Variants in SIAE observed in about 807,000 individuals in gnomAD.
SIAE encodes sialic acid acetylesterase, also known as sialate O-acetylesterase.
Under a neutral mutation model 52.6 loss-of-function variants are expected in SIAE, and 39 were observed. The ratio of observed to expected loss-of-function variants is 0.74; its 90% CI spans 0.57 to 0.97. The LOEUF (loss-of-function observed/expected upper bound fraction) is 0.97, where lower values mean the gene tolerates loss of function less well. SIAE is among the 50% of genes least tolerant of loss of function. The pLI, the probability that SIAE is intolerant of heterozygous loss-of-function variation, is 0.00. For synonymous variants in SIAE, 233 were observed against 241.4 expected (o/e 0.97, Z 0.32); for missense variants, 592 against 662.1 (o/e 0.89, Z 1.16).
rs1184582090 is a variant in SIAE, at chr11:124,634,768, G to C, written c.*2183C>G. ...TAAGAAAATTATTTTGGTAAAGTAA[G>C]TAAGTCAAAAACACAGATTACAAAA... On this transcript the variant is annotated 3_prime_UTR_variant, in exon 10 of 10. Transcript: ENST00000263593. The C allele has an allele frequency of 1.3e-5, 2 of 152,064 alleles. No individual in the cohort carries two copies. The allele number at this position is 152,064 out of a possible 1,614,324, so 9.4% of individuals were successfully genotyped here. A position where few individuals can be genotyped will look rare whatever the true frequency, so the allele number is the denominator to read the frequency against.
chr11:124,669,442 G>GC lies in SIAE; in HGVS notation c.146dup (p.Phe50LeufsTer31), dbSNP rs774890000. ...TCACTGTGGCTCCAGGTGTACCGAA[G>GC]CCCCATATCACTGCCCCAGCAGGCT... On this transcript the variant is annotated frameshift_variant, in exon 2 of 10. Coordinates refer to ENST00000263593, the MANE Select transcript of SIAE (RefSeq NM_170601.5). LOFTEE classifies it high-confidence loss of function. The GC allele has an allele frequency of 3.7e-6, 6 of 1,614,090 alleles. 1 individual carries two copies. The Admixed American group carries it at 1.0e-4, about 27-fold the overall frequency.
rs767336791 is a variant in SIAE, at chr11:124,637,087, C to T, written c.1436G>A (p.Arg479His). 31 of 1,613,986 alleles carry T rather than the reference C, an allele frequency of 1.9e-5. 1 individual carries two copies. In the East Asian group the frequency reaches 4.0e-4, roughly 21 times the overall value. Residue 479 changes from arginine (R) to histidine (H), a missense_variant, in exon 10 of 10, where the codon CGC becomes CAC. Coordinates refer to ENST00000263593, the MANE Select transcript of SIAE (RefSeq NM_170601.5). The part of the protein sequence containing the change: ...DSCHGTVVAL[R>H]YAWTTWPCEY... ...ACAAGGCCACGTGGTCCAAGCATAG[C>T]GGAGAGCAACCACAGTGCCATGACA...
intron 3 of SIAE, among the ~76,000 whole-genome samples, chr11:124,656,996 G>A (rs1020997929): frequency 7.0e-6 from 1 of 143,880 alleles, no homozygotes; most frequent in Admixed American, 6.9e-5. Context: ...AACTCTGAAA[G>A]ATGCTGCCCC....
intron 4 of SIAE, 22 bp from the exon 5 acceptor site, chr11:124,649,818 G>GA (rs1398882164): frequency 6.2e-7 from 1 of 1,613,668 alleles, no homozygotes; most frequent in South Asian, 1.1e-5. Flanking sequence ...AATGGTTAAA[G>GA]AAAAAGAGCC....
chr11:124,671,858 T>C (rs1943362644), intron 1 of SIAE, among the ~76,000 whole-genome samples: 1 of 151,800 alleles, frequency 6.6e-6, no homozygotes, highest in Admixed American at 6.6e-5. Flanking sequence ...GCCTCTGGGG[T>C]TCAAGCGGTT....
intron 7 of SIAE, 150 bp downstream of exon 7, chr11:124,647,215 T>C: frequency 9.4e-7 from 1 of 1,067,912 alleles, no homozygotes; most frequent in Non-Finnish European, 1.4e-6. Flanking sequence ...ATTCAGTTCT[T>C]GACCAGCACA....
intron 1 of SIAE, 85 bp downstream of exon 1, chr11:124,673,557 C>T (rs1313533797): frequency 1.2e-5 from 18 of 1,481,672 alleles, no homozygotes; most frequent in Middle Eastern, 1.9e-4. Context: ...GAAAGGGGCG[C>T]GGATCCGTGT....
At chr11:124,660,315 A>C in intron 3 of SIAE, 1 of 347,114 alleles carries the variant, frequency 2.9e-6, no homozygotes, top group Non-Finnish European at 5.5e-6. Context: ...AAAAAAAGCA[A>C]GAAAATAAAA....
Position 124,669,407 on chromosome 11 carries a change from A to AG in SIAE, c.181dup (p.Leu61ProfsTer20). Reference sequence around the variant, plus strand: ...CATGATGGTTTCCTGACCTTGGCGCAGGGTCACGGTCACTGTGGCTCCAGG... The same window carrying AG: ...CATGATGGTTTCCTGACCTTGGCGCAGGGGTCACGGTCACTGTGGCTCCAGG... On this transcript the variant is annotated frameshift_variant, in exon 2 of 10. Coordinates refer to ENST00000263593, the MANE Select transcript of SIAE (RefSeq NM_170601.5). LOFTEE classifies it high-confidence loss of function. 1 of 1,614,216 alleles carries AG rather than the reference A, an allele frequency of 6.2e-7. No homozygotes were observed. Among genetic ancestry groups the AG allele is most frequent in the Non-Finnish European group, 8.5e-7 (1 of 1,180,046 alleles).
chr11:124,644,353 GAAAAA>G (rs370589585), intron 7 of SIAE, among the ~76,000 whole-genome samples: 3 of 102,156 alleles, frequency 2.9e-5, no homozygotes, highest in South Asian at 3.8e-4. Flanking sequence ...TCTGTGGTGA[GAAAAA>G]AAAAAAAAAA....
chr11:124,654,757 C>T lies in SIAE; in HGVS notation c.442G>A (p.Ala148Thr). ...NATRELSNTA[A>T]YQSVRILSVS... ...GAGAGGATGCGGACAGACTGATATG[C>T]CGCAGTGTTAGACAACTCCCTTGTA... Residue 148 changes from alanine to threonine, a missense_variant, in exon 4 of 10, where the codon GCA (alanine) becomes ACA (threonine). Physicochemically the swap from Ala to Thr is moderately conservative, Grantham distance 58. Coordinates refer to ENST00000263593, the MANE Select transcript of SIAE (RefSeq NM_170601.5). 1.9e-6 allele frequency: 3 copies of T among 1,614,046 alleles called. No individual in the cohort carries two copies. The highest frequency in any genetic ancestry group is 1.7e-6 in the Non-Finnish European group (2 of 1,180,016).
At chr11:124,647,921 T>TA in intron 6 of SIAE, 145 bp downstream of exon 6, 1 of 733,454 alleles carries the variant, frequency 1.4e-6, no homozygotes, top group East Asian at 2.8e-5. Context: ...AGCCCAGACA[T>TA]AAAAACTACC....
Position 124,639,729 on chromosome 11 carries a change from T to C in SIAE, c.1105A>G (p.Arg369Gly), listed in dbSNP as rs1330818831. The C allele has an allele frequency of 2.5e-6, 4 of 1,614,002 alleles. No individual in the cohort carries two copies. ...TCATACCTGCCAAAAGGCGAGTCTC[T>C]ATCACAGAGATCCATAGCTACAGCC... is the stretch of plus-strand genomic sequence containing the variant. ...FMAVAMDLCD[R>G]DSPFGSIHPR... The change falls in exon 8 of 10, where the codon AGA becomes GGA. Residue 369 changes from arginine (R) to glycine (G), a missense_variant. Physicochemically the swap from Arg to Gly is moderately radical, Grantham distance 125. Coordinates refer to ENST00000263593, the MANE Select transcript of SIAE (RefSeq NM_170601.5).
intron 2 of SIAE, among the ~76,000 whole-genome samples, chr11:124,668,779 A>AT (rs1310576661): frequency 6.6e-6 from 1 of 152,218 alleles, no homozygotes; most frequent in Non-Finnish European, 1.5e-5. Context: ...ACATTCTTAC[A>AT]TTATGGCACT....
chr11:124,647,549 A>C, intron 6 of SIAE, 51 bp from the exon 7 acceptor site: 1 of 1,601,798 alleles, frequency 6.2e-7, no homozygotes, highest in Non-Finnish European at 8.5e-7. Context: ...TGCAAAAATG[A>C]CCACACATTA....
At position 124,636,833 on chromosome 11, in the gene SIAE, C is replaced by G. The variant is rs186498017; in HGVS notation, c.*118G>C. 1 of 1,416,422 alleles carries G rather than the reference C, an allele frequency of 7.1e-7. No individual in the cohort carries two copies. The highest frequency in any genetic ancestry group is 1.2e-5 in the South Asian group (1 of 85,868). 87.7% of individuals were successfully genotyped at this position (1,416,422 alleles called of 1,614,324 possible). A position where few individuals can be genotyped will look rare whatever the true frequency, so the allele number is the denominator to read the frequency against. ...GAAACAGCCATGTGCTAGCTGAAAG[C>G]CATTCAATGAGGCTTTCTATTAATT... On this transcript the variant is annotated 3_prime_UTR_variant, in exon 10 of 10. Transcript: ENST00000263593.
chr11:124,672,584 A>G (rs906698856), intron 1 of SIAE, among the ~76,000 whole-genome samples: 2 of 152,216 alleles, frequency 1.3e-5, no homozygotes, highest in African/African-American at 4.8e-5. Flanking sequence ...AAAGGAGGAG[A>G]TAAAATACTG....
intron 2 of SIAE, among the ~76,000 whole-genome samples, chr11:124,668,633 C>G (rs149574585): frequency 6.6e-6 from 1 of 152,202 alleles, no homozygotes; most frequent in African/African-American, 2.4e-5. Flanking sequence ...GGTATCATGA[C>G]GATCTCCATT....
chr11:124,639,655 TG>T (rs1169549070), intron 8 of SIAE, 54 bp downstream of exon 8: 7 of 1,611,296 alleles, frequency 4.3e-6, no homozygotes, highest in African/African-American at 1.3e-5. Context: ...AACATCAGAG[TG>T]AAAGACTACA....
Sources: allele counts gnomAD v4.1 joint callset (sites outside exome capture counted in the v4.1 genomes callset), GRCh38; gene constraint gnomAD v4.1.1; transcripts MANE v1.5; gene names NCBI Gene and HGNC (gene_info 2026-07-23, HGNC 2026-07-21).